ETNK2: variants seen among roughly 807,000 people sequenced by gnomAD.
ETNK2 encodes ethanolamine kinase 2.
ETNK2 carries 33 observed loss-of-function variants against 46.2 expected under a neutral mutation model. The ratio of observed to expected loss-of-function variants is 0.71; its 90% CI spans 0.54 to 0.96. ETNK2 has a LOEUF of 0.96. ETNK2 is among the 40% of genes least tolerant of loss of function. The pLI is 0.00. For synonymous variants in ETNK2, 194 were observed against 209.0 expected (o/e 0.93, Z 0.62); for missense variants, 445 against 509.7 (o/e 0.87, Z 1.22).
intron 7 of ETNK2, 60 bp downstream of exon 7, chr1:204,134,432 GCCTGGGCTGTCCTTTGCCCACAC>G: frequency 6.7e-7 from 1 of 1,483,994 alleles, no homozygotes; most frequent in Non-Finnish European, 9.1e-7. Flanking sequence ...TGGGCATTCT[GCCTGGGCTGTCCTTTGCCCACAC>G]CCTGGGCTCA....
chr1:204,150,045 C>T, intron 1 of ETNK2, 83 bp from the exon 2 acceptor site: 3 of 1,438,892 alleles, frequency 2.1e-6, no homozygotes, highest in Middle Eastern at 2.5e-4. Context: ...GTAGCTCCAG[C>T]AGGAGGTGCT....
rs1202547861 is a variant in ETNK2, at chr1:204,151,765, C to T, written c.88G>A (p.Glu30Lys). 1.3e-6 allele frequency: 2 copies of T among 1,522,036 alleles called. No homozygotes were observed. Among genetic ancestry groups the T allele is most frequent in the Non-Finnish European group, 1.8e-6 (2 of 1,136,676 alleles). The allele number at this position is 1,522,036 out of a possible 1,614,324, so 94.3% of individuals were successfully genotyped here. A position where few individuals can be genotyped will look rare whatever the true frequency, so the allele number is the denominator to read the frequency against. The change falls in exon 1 of 8, where the codon GAG (glutamate) becomes AAG (lysine). Residue 30 changes from glutamate to lysine, a missense_variant. By Grantham distance (56) the Glu-to-Lys change is moderately conservative. Transcript: ENST00000367202. The surrounding 1 kb of genome is among the most constrained non-coding windows in gnomAD (Gnocchi z 8.0). ...TPCPQCSWGM[E>K]EKAAASASCR... ...CTGGCGCTGGCCGCCGCCTTCTCCT[C>T]CATGCCCCATGAGCACTGCGGGCAA...
At chr1:204,147,795 TC>T (rs1350262383) in intron 2 of ETNK2, among the ~76,000 whole-genome samples, 1 of 152,066 alleles carries the variant, frequency 6.6e-6, no homozygotes, top group Non-Finnish European at 1.5e-5. Flanking sequence ...CCCCCAAGGC[TC>T]CCACCTCCTA....
intron 7 of ETNK2, 114 bp from the exon 8 acceptor site, chr1:204,132,370 G>T: frequency 1.4e-6 from 1 of 738,178 alleles, no homozygotes; most frequent in South Asian, 1.5e-5. Context: ...ATCTAAGTCT[G>T]AGCAGATCAA....
At chr1:204,139,520 C>T (rs1657416066) in intron 5 of ETNK2, among the ~76,000 whole-genome samples, 2 of 152,180 alleles carry the variant, frequency 1.3e-5, no homozygotes, top group Admixed American at 6.5e-5. Context: ...GCAGGCTGTG[C>T]CTTAACCCCT....
intron 3 of ETNK2, among the ~76,000 whole-genome samples, chr1:204,144,357 A>AAAAAAAAAAAAC (rs1657693867): frequency 6.7e-6 from 1 of 148,878 alleles, no homozygotes; most frequent in Non-Finnish European, 1.5e-5. Context: ...AAAAAAAAAA[A>AAAAAAAAAAAAC]AAAAAAAAAA....
Position 204,151,746 on chromosome 1 carries a change from C to G in ETNK2, c.107G>C (p.Ser36Thr), listed in dbSNP as rs1405671315. ...SWGMEEKAAA[S>T]ASCREPPGPP... ...GCCCGGCGGCTCCCGGCAGCTGGCG[C>G]TGGCCGCCGCCTTCTCCTCCATGCC... is the stretch of plus-strand genomic sequence containing the variant. The change falls in exon 1 of 8, where the codon AGC becomes ACC. Residue 36 changes from serine to threonine, a missense_variant. Ser to Thr is a moderately conservative substitution (Grantham distance 58). Transcript: ENST00000367202. The surrounding 1 kb of genome is among the most constrained non-coding windows in gnomAD (Gnocchi z 8.0). 3 of 1,528,784 alleles carry G rather than the reference C, an allele frequency of 2.0e-6. No homozygotes were observed. In the Admixed American group the frequency reaches 6.5e-5, roughly 33 times the overall value. 94.7% of individuals were successfully genotyped at this position (1,528,784 alleles called of 1,614,324 possible). A position where few individuals can be genotyped will look rare whatever the true frequency, so the allele number is the denominator to read the frequency against.
Position 204,140,220 on chromosome 1 carries a change from C to A in ETNK2, c.785-102G>T. 3 of 896,182 alleles carry A rather than the reference C, an allele frequency of 3.3e-6. 1 individual carries two copies. Among genetic ancestry groups the A allele is most frequent in the Non-Finnish European group, 5.5e-6 (3 of 545,156 alleles). 55.5% of individuals were successfully genotyped at this position (896,182 alleles called of 1,614,324 possible). A position where few individuals can be genotyped will look rare whatever the true frequency, so the allele number is the denominator to read the frequency against. On this transcript the variant is annotated intron_variant, in intron 4 of 7. Coordinates refer to ENST00000367202, the MANE Select transcript of ETNK2 (RefSeq NM_018208.4). ...TCTGGGATGCACCCACTGAGTGATG[C>A]CGGCCTCTGCAGCAACCCTGCCCAA...
intron 2 of ETNK2, chr1:204,147,317 T>C (rs1657827518): frequency 2.3e-6 from 1 of 428,932 alleles, no homozygotes; most frequent in African/African-American, 2.0e-5. Context: ...AGGGAGTTGA[T>C]GCTGGCGGCT....
Position 204,134,173 on chromosome 1 carries a change from C to T in ETNK2, c.1088+342G>A, listed in dbSNP as rs763265235. On this transcript the variant is annotated intron_variant, in intron 7 of 7. Coordinates refer to ENST00000367202, the MANE Select transcript of ETNK2 (RefSeq NM_018208.4). ...TGCTGTAAAATGAGGGTAAGACCTA[C>T]AGTCGTTCAGACTGATTTTCAACGA... Among the ~76,000 whole-genome samples the T allele has an allele frequency of 3.3e-5, 5 of 152,380 alleles. No homozygotes were observed. The South Asian group carries it at 8.3e-4, about 25-fold the overall frequency.
intron 3 of ETNK2, among the ~76,000 whole-genome samples, chr1:204,145,936 G>A (rs1003646813): frequency 6.6e-6 from 1 of 152,140 alleles, no homozygotes; most frequent in African/African-American, 2.4e-5. Flanking sequence ...AAGGCTTGGA[G>A]GACTCTCAGG....
intron 1 of ETNK2, 23 bp from the exon 2 acceptor site, chr1:204,149,985 C>G: frequency 1.1e-4 from 18 of 162,948 alleles, no homozygotes; most frequent in South Asian, 2.8e-4. Flanking sequence ...GAGGACAGTG[C>G]GTGGGTGGGT....
At chr1:204,133,532 T>TA (rs1298837663) in intron 7 of ETNK2, among the ~76,000 whole-genome samples, 2 of 139,982 alleles carry the variant, frequency 1.4e-5, no homozygotes, top group African/African-American at 5.4e-5. Context: ...TTATTTTATT[T>TA]TATTTTTTTT....
intron 5 of ETNK2, among the ~76,000 whole-genome samples, chr1:204,137,656 G>C (rs1405252803): frequency 6.6e-6 from 1 of 152,184 alleles, no homozygotes; most frequent in African/African-American, 2.4e-5. Flanking sequence ...AACCTTGTTA[G>C]CCTTAAGGGA....
At position 204,151,793 on chromosome 1, in the gene ETNK2, C is replaced by T; in HGVS notation, c.60G>A (p.Thr20=). The change falls in exon 1 of 8, where the codon ACG becomes ACA. Residue 20 remains threonine, a synonymous_variant. Transcript: ENST00000367202. This position sits in a 1 kb window ranked among gnomAD's most constrained non-coding sequence, Gnocchi z 8.0. ...TGCCCCATGAGCACTGCGGGCAAGG[C>T]GTGTGCCTCCTCAGGTGAAAGGACG... is the stretch of plus-strand genomic sequence containing the variant. The part of the protein sequence containing the change: ...PRASFHLRRH[T]PCPQCSWGME... 2 of 1,500,596 alleles carry T rather than the reference C, an allele frequency of 1.3e-6. No homozygotes were observed. Among genetic ancestry groups the T allele is most frequent in the South Asian group, 1.3e-5 (1 of 75,414 alleles). The allele number at this position is 1,500,596 out of a possible 1,614,324, so 93.0% of individuals were successfully genotyped here. A position where few individuals can be genotyped will look rare whatever the true frequency, so the allele number is the denominator to read the frequency against.
At position 204,131,812 on chromosome 1, in the gene ETNK2, G is replaced by A. The variant is rs998617974; in HGVS notation, c.*372C>T. The A allele has an allele frequency of 8.8e-5, 21 of 239,636 alleles. No individual in the cohort carries two copies. The highest frequency in any genetic ancestry group is 4.3e-4 in the Admixed American group (9 of 20,924). 14.8% of individuals were successfully genotyped at this position (239,636 alleles called of 1,614,324 possible). A position where few individuals can be genotyped will look rare whatever the true frequency, so the allele number is the denominator to read the frequency against. On this transcript the variant is annotated 3_prime_UTR_variant, in exon 8 of 8. Transcript: ENST00000367202. This position sits in a 1 kb window ranked among gnomAD's most constrained non-coding sequence, Gnocchi z 4.3. Reference sequence around the variant, plus strand: ...CTGGAGGTAGAAAGGAGCCCTCCCCGCCTCCTTCCCCAGGCCAGGAAGGGG... The same window carrying A: ...CTGGAGGTAGAAAGGAGCCCTCCCCACCTCCTTCCCCAGGCCAGGAAGGGG...
chr1:204,151,937 G>T lies in ETNK2; in HGVS notation c.-85C>A. The T allele has an allele frequency of 7.5e-7, 1 of 1,340,842 alleles. No homozygotes were observed. Among genetic ancestry groups the T allele is most frequent in the Non-Finnish European group, 9.6e-7 (1 of 1,038,512 alleles). 83.1% of individuals were successfully genotyped at this position (1,340,842 alleles called of 1,614,324 possible). A position where few individuals can be genotyped will look rare whatever the true frequency, so the allele number is the denominator to read the frequency against. On this transcript the variant is annotated 5_prime_UTR_variant, in exon 1 of 8. Transcript: ENST00000367202. This position sits in a 1 kb window ranked among gnomAD's most constrained non-coding sequence, Gnocchi z 8.0. The stretch of plus-strand genomic sequence containing the variant: ...GCGAGGGAGTGGGAGTGGTAGAGGA[G>T]GGGCCAGGGGAAGTCCATGACTCAG...
intron 3 of ETNK2, among the ~76,000 whole-genome samples, chr1:204,145,805 C>G (rs188776457): frequency 6.6e-6 from 1 of 152,184 alleles, no homozygotes; most frequent in African/African-American, 2.4e-5. Context: ...CAGCAGGGAG[C>G]GTGAAGGAAT....
In ETNK2 at chr1:204,137,157, C is replaced by T. The variant is rs1032199748; in HGVS notation, c.961G>A (p.Val321Met). The T allele has an allele frequency of 2.5e-6, 4 of 1,613,852 alleles. No individual in the cohort carries two copies. The highest frequency in any genetic ancestry group is 2.7e-5 in the African/African-American group (2 of 74,932). Residue 321 changes from valine to methionine, a missense_variant, in exon 6 of 8, where the codon GTG becomes ATG. Val to Met is a conservative substitution (Grantham distance 21). Transcript: ENST00000367202. ...AGCCTTTGCACCTCCCTGGGGGTCA[C>T]GGCCATCCCCTTTTGTGCCTGCAGG... Reference protein sequence around the residue: ...YYLQAQKGMAVTPREVQRLYV... With the variant: ...YYLQAQKGMAMTPREVQRLYV...
Sources: allele counts gnomAD v4.1 joint callset (sites outside exome capture counted in the v4.1 genomes callset), GRCh38; gene constraint gnomAD v4.1.1; non-coding constraint Gnocchi (gnomAD v3.1); transcripts MANE v1.5; gene names NCBI Gene and HGNC (gene_info 2026-07-23, HGNC 2026-07-21).